MEGF11: variants seen among roughly 807,000 people sequenced by gnomAD.
The protein encoded by MEGF11 is multiple epidermal growth factor-like domains protein 11.
A neutral mutation model predicts 146.6 loss-of-function variants in MEGF11; 126 were observed. That is an observed-to-expected ratio of 0.86 (90% CI 0.74 to 1.00). The LOEUF (loss-of-function observed/expected upper bound fraction) is 1.00. Ranked by LOEUF, MEGF11 falls within the 50% of genes least tolerant of loss-of-function variation. The pLI is 0.00. For missense variants in MEGF11, 1,509 were observed against 1,521.2 expected (o/e 0.99, Z 0.13); for synonymous variants, 532 against 583.4 (o/e 0.91, Z 1.27).
intron 5 of MEGF11, among the ~76,000 whole-genome samples, chr15:66,077,495 C>A (rs1371828780): frequency 6.6e-6 from 1 of 152,180 alleles, no homozygotes; most frequent in African/African-American, 2.4e-5. Context: ...CTCAAGCATC[C>A]AACCCAGAGC....
At position 65,898,917 on chromosome 15, in the gene MEGF11, C is replaced by T. The variant is rs116801647; in HGVS notation, c.3073G>A (p.Val1025Met). Residue 1025 changes from valine (V) to methionine (M), a missense_variant, in exon 25 of 26, where the codon GTG (valine) becomes ATG (methionine). Physicochemically the swap from Val to Met is conservative, Grantham distance 21. Transcript: ENST00000395614. ...AAGGAACAAGTACTAGAACTGCACA[C>T]GGATTCTTTCATGTAATCTGCAAGG... is the stretch of plus-strand genomic sequence containing the variant. Reference protein sequence around the residue: ...KGFKDYMKESVCSSSTCSLNS... With the variant: ...KGFKDYMKESMCSSSTCSLNS... 1.0e-3 allele frequency: 1,677 copies of T among 1,613,828 alleles called. 13 individuals carry two copies. The African/African-American group carries it at 0.018, about 18-fold the overall frequency.
intron 5 of MEGF11, among the ~76,000 whole-genome samples, chr15:66,014,213 A>C (rs1162237162): frequency 2.6e-5 from 4 of 152,088 alleles, no homozygotes; most frequent in Non-Finnish European, 5.9e-5. Context: ...AACTGTGGGG[A>C]CTCCTAGACT....
At chr15:65,992,449 G>GT (rs1555459369) in intron 5 of MEGF11, among the ~76,000 whole-genome samples, 2 of 38,324 alleles carry the variant, frequency 5.2e-5, no homozygotes, top group Admixed American at 7.5e-4. Context: ...GTGTGTGTGT[G>GT]TGGGGGGGGG....
chr15:66,125,752 T>C lies in MEGF11; in HGVS notation c.99-1752A>G, dbSNP rs1341047291. Among the ~76,000 whole-genome samples, 7 of 152,240 alleles carry C rather than the reference T, an allele frequency of 4.6e-5. No homozygotes were observed. In the East Asian group the frequency reaches 1.2e-3, roughly 25 times the overall value. ...GTGCTAGGCACTGAAGGATCTTTCCTCCCTGACCAAGGTGGGGAGAGAGGG... is the reference window on the plus strand; with the variant it reads ...GTGCTAGGCACTGAAGGATCTTTCCCCCCTGACCAAGGTGGGGAGAGAGGG... On this transcript the variant is annotated intron_variant, in intron 2 of 25. Coordinates refer to ENST00000395614, the MANE Select transcript of MEGF11 (RefSeq NM_001385028.1).
chr15:66,109,063 C>T (rs1319782615), intron 4 of MEGF11, among the ~76,000 whole-genome samples: 1 of 152,198 alleles, frequency 6.6e-6, no homozygotes, highest in Non-Finnish European at 1.5e-5. Context: ...CACGAGGGGC[C>T]CTGCTGGCAC....
chr15:66,104,400 C>CT (rs1237816490), intron 4 of MEGF11, among the ~76,000 whole-genome samples: 1 of 152,244 alleles, frequency 6.6e-6, no homozygotes, highest in Non-Finnish European at 1.5e-5. Context: ...CTCTTACCCT[C>CT]TTACCATAGT....
intron 5 of MEGF11, among the ~76,000 whole-genome samples, chr15:66,052,758 C>T (rs2084505182): frequency 6.6e-6 from 1 of 152,202 alleles, no homozygotes; most frequent in Non-Finnish European, 1.5e-5. Context: ...CTGAGGCCCT[C>T]CCATCTTTGA....
At chr15:66,008,397 GCA>G (rs2082585735) in intron 5 of MEGF11, among the ~76,000 whole-genome samples, 1 of 28,134 alleles carries the variant, frequency 3.6e-5, no homozygotes, top group African/African-American at 6.6e-5. Context: ...AAACACACAT[GCA>G]CACGCGCGCG....
At chr15:66,107,786 A>G (rs2087168027) in intron 4 of MEGF11, among the ~76,000 whole-genome samples, 1 of 152,182 alleles carries the variant, frequency 6.6e-6, no homozygotes, top group Non-Finnish European at 1.5e-5. Flanking sequence ...TGTACCCTGG[A>G]AAAGCCAGCC....
chr15:65,921,059 C>T (rs2079156328), intron 15 of MEGF11, among the ~76,000 whole-genome samples: 1 of 152,184 alleles, frequency 6.6e-6, no homozygotes. Context: ...CTCTGGGGCT[C>T]AAACTTCTCA....
At chr15:66,193,388 C>T (rs569465595) in intron 1 of MEGF11, among the ~76,000 whole-genome samples, 10 of 152,300 alleles carry the variant, frequency 6.6e-5, no homozygotes, top group Admixed American at 2.0e-4. Context: ...AAGTGCCAGA[C>T]GCTGTGTTAA....
chr15:66,031,563 T>TG (rs988331753), intron 5 of MEGF11, among the ~76,000 whole-genome samples: 15 of 152,046 alleles, frequency 9.9e-5, no homozygotes, highest in African/African-American at 3.6e-4. Context: ...GGAATTTACG[T>TG]GGGGGGATGG....
chr15:66,244,690 C>G (rs2092269245), intron 1 of MEGF11, among the ~76,000 whole-genome samples: 1 of 152,162 alleles, frequency 6.6e-6, no homozygotes, highest in Non-Finnish European at 1.5e-5. Flanking sequence ...CAGTTAAAAT[C>G]TTTCCTAAAA....
chr15:66,245,758 C>A (rs1235300609), intron 1 of MEGF11, among the ~76,000 whole-genome samples: 1 of 152,102 alleles, frequency 6.6e-6, no homozygotes, highest in African/African-American at 2.4e-5. Flanking sequence ...AGAGACTCTA[C>A]CCCTCAGTAG....
At chr15:66,137,734 GAGAC>G (rs2088960809) in intron 1 of MEGF11, among the ~76,000 whole-genome samples, 1 of 151,242 alleles carries the variant, frequency 6.6e-6, no homozygotes. Flanking sequence ...TTTTCTCTTA[GAGAC>G]GAGGTCTCAC....
chr15:66,003,469 G>GGA (rs1567197784), intron 5 of MEGF11, among the ~76,000 whole-genome samples: 14 of 13,584 alleles, frequency 1.0e-3, no homozygotes, highest in African/African-American at 1.1e-3. Context: ...ATGGAGGGTG[G>GGA]GGAGGAGATG....
At chr15:66,108,976 G>A (rs886598227) in intron 4 of MEGF11, among the ~76,000 whole-genome samples, 1 of 152,190 alleles carries the variant, frequency 6.6e-6, no homozygotes, top group Non-Finnish European at 1.5e-5. Flanking sequence ...GCCGCCCGGT[G>A]CAGATGGCAG....
intron 1 of MEGF11, among the ~76,000 whole-genome samples, chr15:66,230,102 C>G (rs1375187759): frequency 5.3e-5 from 8 of 152,164 alleles, no homozygotes; most frequent in Non-Finnish European, 2.9e-5. Context: ...GCGGCTGTGT[C>G]CCGGAAAGGG....
intron 10 of MEGF11, among the ~76,000 whole-genome samples, chr15:65,953,440 T>G (rs942658671): frequency 2.0e-5 from 3 of 152,160 alleles, no homozygotes; most frequent in African/African-American, 7.2e-5. Context: ...GGCTTTGTGA[T>G]CCCAGGCAAG....
Sources: allele counts gnomAD v4.1 joint callset (sites outside exome capture counted in the v4.1 genomes callset), GRCh38; gene constraint gnomAD v4.1.1; transcripts MANE v1.5; gene names NCBI Gene and HGNC (gene_info 2026-07-23, HGNC 2026-07-21).